Variants in BANK1 observed in about 807,000 individuals in gnomAD.
BANK1 encodes the protein B cell scaffold protein with ankyrin repeats 1.
In BANK1, 95 loss-of-function variants were observed where a neutral mutation model predicts 94.5. The ratio of observed to expected loss-of-function variants is 1.00; its 90% CI spans 0.85 to 1.19. BANK1 has a LOEUF of 1.19. Among genes scored for constraint, BANK1 ranks in the 50% most tolerant of loss-of-function variants. The pLI is 0.00. For synonymous variants in BANK1, 334 were observed against 308.4 expected, an observed-to-expected ratio of 1.08 and a Z score of -0.87; for missense variants, 987 against 932.2, an observed-to-expected ratio of 1.06 and a Z score of -0.77.
chr4:101,936,518 T>C (rs911733380), intron 7 of BANK1, among the ~76,000 whole-genome samples: 2 of 150,460 alleles, frequency 1.3e-5, no homozygotes, highest in South Asian at 2.1e-4. Context: ...TATACATGTA[T>C]ACTAGACATA....
At chr4:101,992,441 T>C (rs778033406) in intron 7 of BANK1, among the ~76,000 whole-genome samples, 3 of 152,188 alleles carry the variant, frequency 2.0e-5, no homozygotes, top group Non-Finnish European at 4.4e-5. Context: ...ATATCTTGGA[T>C]TATGTACTTT....
intron 13 of BANK1, 82 bp from the exon 14 acceptor site, chr4:102,071,193 C>A: frequency 2.0e-6 from 3 of 1,464,788 alleles, no homozygotes; most frequent in Non-Finnish European, 2.9e-6. Flanking sequence ...AGAAGTAGTC[C>A]AACAATTAAA....
intron 7 of BANK1, among the ~76,000 whole-genome samples, chr4:102,008,091 G>T (rs1158182943): frequency 6.6e-6 from 1 of 152,038 alleles, no homozygotes; most frequent in East Asian, 1.9e-4. Flanking sequence ...TGTGTCATCT[G>T]CCCACAGTGC....
intron 10 of BANK1, among the ~76,000 whole-genome samples, chr4:102,038,250 G>A (rs1224578651): frequency 6.6e-6 from 1 of 151,994 alleles, no homozygotes; most frequent in African/African-American, 2.4e-5. Context: ...CTACTTCTTG[G>A]GACAGCAACA....
At chr4:101,876,122 G>T (rs1728481943) in intron 5 of BANK1, among the ~76,000 whole-genome samples, 1 of 152,180 alleles carries the variant, frequency 6.6e-6, no homozygotes, top group Admixed American at 6.5e-5. Flanking sequence ...TGAAGGAAAG[G>T]ATCCAGTCCT....
chr4:101,835,398 T>G (rs552409324), intron 2 of BANK1, among the ~76,000 whole-genome samples: 4 of 152,288 alleles, frequency 2.6e-5, no homozygotes, highest in Non-Finnish European at 5.9e-5. Context: ...GAGCTACCCT[T>G]TACCAACAGC....
rs534208088 is a variant in BANK1, at chr4:101,987,014, A to G, written c.1207-34500A>G. Among the ~76,000 whole-genome samples, 121 of 148,348 alleles carry G rather than the reference A, an allele frequency of 8.2e-4. 2 individuals are homozygous for G. The highest frequency in any genetic ancestry group is 2.8e-3 in the African/African-American group (114 of 40,418). ...AACAAAAGAAAAAAAAAAAGGAAAGAAAAGCTATGTCAAGAAAATATTGTG... is the reference window on the plus strand; with the variant it reads ...AACAAAAGAAAAAAAAAAAGGAAAGGAAAGCTATGTCAAGAAAATATTGTG... On this transcript the variant is annotated intron_variant, in intron 7 of 16. Coordinates refer to ENST00000322953, the MANE Select transcript of BANK1 (RefSeq NM_017935.5).
Position 101,833,109 on chromosome 4 carries a change from AG to A in BANK1, c.469+2904del, listed in dbSNP as rs374706582. 3.5e-3 allele frequency among the ~76,000 whole-genome samples: 527 copies of A among 152,108 alleles called. 3 individuals are homozygous for A. The highest frequency in any genetic ancestry group is 0.012 in the African/African-American group (499 of 41,520). On this transcript the variant is annotated intron_variant, in intron 2 of 16. Transcript: ENST00000322953. Reference sequence around the variant, plus strand: ...ATTCTCCTGCCTCAGCCTCCTGAGTAGCTGGGATTACAGGTGTGTGCCACCA... The same window carrying A: ...ATTCTCCTGCCTCAGCCTCCTGAGTACTGGGATTACAGGTGTGTGCCACCA...
chr4:101,891,822 T>G (rs1721884555), intron 5 of BANK1, among the ~76,000 whole-genome samples: 1 of 152,078 alleles, frequency 6.6e-6, no homozygotes, highest in Non-Finnish European at 1.5e-5. Flanking sequence ...GTTCTAAAAA[T>G]TCTAGTTGGT....
chr4:101,863,721 A>G (rs532608950), intron 4 of BANK1, among the ~76,000 whole-genome samples: 4 of 152,246 alleles, frequency 2.6e-5, no homozygotes, highest in African/African-American at 9.6e-5. Context: ...GTGAAATGAG[A>G]AAAACTCTGT....
At chr4:102,002,688 C>T (rs1328662588) in intron 7 of BANK1, among the ~76,000 whole-genome samples, 1 of 152,112 alleles carries the variant, frequency 6.6e-6, no homozygotes, top group African/African-American at 2.4e-5. Context: ...CCACAGCTTT[C>T]GGCCTCAGAA....
chr4:101,811,328 T>G (rs1725725072), intron 1 of BANK1, among the ~76,000 whole-genome samples: 1 of 152,168 alleles, frequency 6.6e-6, no homozygotes, highest in Non-Finnish European at 1.5e-5. Context: ...TTAACCCTGG[T>G]AGGGAATTTT....
chr4:102,071,985 G>A (rs1336123674), intron 14 of BANK1, among the ~76,000 whole-genome samples: 2 of 152,178 alleles, frequency 1.3e-5, no homozygotes, highest in Non-Finnish European at 2.9e-5. Context: ...GGAGTAGAAG[G>A]CGCAGGTTTT....
At chr4:101,936,373 GTGCATACA>G (rs553647944) in intron 7 of BANK1, among the ~76,000 whole-genome samples, 41 of 149,676 alleles carry the variant, frequency 2.7e-4, no homozygotes, top group Middle Eastern at 3.5e-3. Flanking sequence ...GCATATATGT[GTGCATACA>G]TGCATACATG....
chr4:101,808,215 A>G (rs1725626259), intron 1 of BANK1, among the ~76,000 whole-genome samples: 1 of 152,144 alleles, frequency 6.6e-6, no homozygotes, highest in South Asian at 2.1e-4. Context: ...GCAAATATAT[A>G]TTTGTGCTCA....
intron 1 of BANK1, among the ~76,000 whole-genome samples, chr4:101,815,167 C>A (rs1474229826): frequency 1.3e-5 from 2 of 152,044 alleles, no homozygotes; most frequent in Non-Finnish European, 2.9e-5. Context: ...GAGAGATATA[C>A]CCACCCAGCC....
intron 1 of BANK1, among the ~76,000 whole-genome samples, chr4:101,815,596 G>A (rs1332709471): frequency 6.6e-6 from 1 of 151,956 alleles, no homozygotes. Flanking sequence ...AATTATTATT[G>A]ATAGATATAA....
chr4:101,847,301 GTAGTTGT>G (rs1488721438), intron 2 of BANK1, among the ~76,000 whole-genome samples: 3 of 151,932 alleles, frequency 2.0e-5, no homozygotes, highest in Non-Finnish European at 4.4e-5. Context: ...TCAATGTTCA[GTAGTTGT>G]TAGTTGTTAT....
chr4:101,874,824 A>G (rs1289848593), intron 5 of BANK1, among the ~76,000 whole-genome samples: 1 of 152,158 alleles, frequency 6.6e-6, no homozygotes, highest in African/African-American at 2.4e-5. Flanking sequence ...CATGCCCAGT[A>G]TCTTTCACAC....
Sources: allele counts gnomAD v4.1 joint callset (sites outside exome capture counted in the v4.1 genomes callset), GRCh38; gene constraint gnomAD v4.1.1; transcripts MANE v1.5; gene names NCBI Gene and HGNC (gene_info 2026-07-23, HGNC 2026-07-21).